Variants in ORMDL1 observed in about 807,000 individuals in gnomAD.
ORMDL1 encodes ORM1-like protein 1.
A neutral mutation model predicts 13.0 loss-of-function variants in ORMDL1; 10 were observed. The ratio of observed to expected loss-of-function variants is 0.77; its 90% CI spans 0.47 to 1.30. ORMDL1 has a LOEUF of 1.30. ORMDL1 is among the 50% of genes most tolerant of loss of function. The pLI, the probability that ORMDL1 is intolerant of heterozygous loss-of-function variation, is 0.00. For missense variants in ORMDL1, 171 were observed against 186.7 expected (o/e 0.92, Z 0.49); for synonymous variants, 61 against 63.9 (o/e 0.95, Z 0.22).
At chr2:189,771,923 A>G in intron 4 of ORMDL1, 21 bp from the exon 5 acceptor site, 1 of 1,512,800 alleles carries the variant, frequency 6.6e-7, no homozygotes, top group Non-Finnish European at 8.9e-7. Flanking sequence ...AAAAGTTAAG[A>G]ATATATATAA....
At chr2:189,781,616 A>G (rs1305660653) in intron 3 of ORMDL1, among the ~76,000 whole-genome samples, 1 of 152,172 alleles carries the variant, frequency 6.6e-6, no homozygotes, top group Non-Finnish European at 1.5e-5. Context: ...ATTTAGATAG[A>G]TAAGTTAACA....
chr2:189,768,232 C>T (rs925068020), downstream of ORMDL1, among the ~76,000 whole-genome samples: 1 of 152,198 alleles, frequency 6.6e-6, no homozygotes, highest in African/African-American at 2.4e-5. Context: ...GGGTATTTTA[C>T]CTAGATAGGT....
At chr2:189,769,071 GTAAT>G (rs1191446671), downstream of ORMDL1, among the ~76,000 whole-genome samples, 1 of 152,134 alleles carries the variant, frequency 6.6e-6, no homozygotes, top group East Asian at 1.9e-4. Flanking sequence ...TGGAAGGGTG[GTAAT>G]TAATAAAGAT....
intron 3 of ORMDL1, among the ~76,000 whole-genome samples, chr2:189,780,087 T>C (rs2047790245): frequency 2.0e-5 from 3 of 152,242 alleles, no homozygotes; most frequent in Admixed American, 1.3e-4. Flanking sequence ...ATGAGATATC[T>C]TGGGGACAGG....
At chr2:189,775,533 C>A in intron 4 of ORMDL1, 32 bp downstream of exon 4, 1 of 1,543,498 alleles carries the variant, frequency 6.5e-7, no homozygotes. Flanking sequence ...CTTATCCAAT[C>A]CTCCTCATAC....
At chr2:189,767,851 T>C (rs1445934981), downstream of ORMDL1, among the ~76,000 whole-genome samples, 6 of 152,352 alleles carry the variant, frequency 3.9e-5, no homozygotes, top group Admixed American at 2.0e-4. Context: ...TTTCTAATTA[T>C]GAAATATTTC....
At chr2:189,776,430 T>A (rs759086731) in intron 3 of ORMDL1, among the ~76,000 whole-genome samples, 6 of 152,136 alleles carry the variant, frequency 3.9e-5, no homozygotes, top group Non-Finnish European at 7.4e-5. Flanking sequence ...AAAACCAATC[T>A]ATAGATTTGG....
Position 189,771,871 on chromosome 2 carries a change from C to CAT in ORMDL1, c.356_357dup (p.Asp120MetfsTer8). 6.2e-7 allele frequency: 1 copy of CAT among 1,603,522 alleles called. No homozygotes were observed. The highest frequency in any genetic ancestry group is 8.5e-7 in the Non-Finnish European group (1 of 1,173,596). On this transcript the variant is annotated frameshift_variant, in exon 5 of 5. Coordinates refer to ENST00000392349, the MANE Select transcript of ORMDL1 (RefSeq NM_016467.5). LOFTEE classifies it high-confidence loss of function. Reference sequence around the variant, plus strand: ...GTGTTTAGGATGAAGTGAGTTGGATCATACTTCGTATAGAAACTTGCCAGA... The same window carrying CAT: ...GTGTTTAGGATGAAGTGAGTTGGATCATATACTTCGTATAGAAACTTGCCAGA...
intron 4 of ORMDL1, 185 bp downstream of exon 4, chr2:189,775,380 C>G: frequency 1.7e-6 from 1 of 603,254 alleles, no homozygotes; most frequent in Non-Finnish European, 2.8e-6. Flanking sequence ...TATGTACTGA[C>G]TGAAGTGAAA....
At chr2:189,777,483 C>T (rs191724481) in intron 3 of ORMDL1, among the ~76,000 whole-genome samples, 2 of 152,290 alleles carry the variant, frequency 1.3e-5, no homozygotes, top group Non-Finnish European at 2.9e-5. Flanking sequence ...TTCCTTCAAA[C>T]CATATGTACT....
chr2:189,776,453 T>A (rs1422039184), intron 3 of ORMDL1, among the ~76,000 whole-genome samples: 1 of 152,144 alleles, frequency 6.6e-6, no homozygotes, highest in Non-Finnish European at 1.5e-5. Context: ...TCCTTGAGAT[T>A]ATGATACCCA....
At chr2:189,766,951 CTGAG>C (rs937827322), downstream of ORMDL1, among the ~76,000 whole-genome samples, 17 of 152,308 alleles carry the variant, frequency 1.1e-4, no homozygotes, top group Admixed American at 1.1e-3. Context: ...CTTTTTAAGG[CTGAG>C]TAATATTCCA....
rs944520023 is a variant in ORMDL1, at chr2:189,770,778, A to G, written c.*989T>C. On this transcript the variant is annotated 3_prime_UTR_variant, in exon 5 of 5. Transcript: ENST00000392349. Reference sequence around the variant, plus strand: ...AAATATGGGGGTTGAGAGCAGGAGGACTAAGAAAAGAAAATGTTATCTTTT... The same window carrying G: ...AAATATGGGGGTTGAGAGCAGGAGGGCTAAGAAAAGAAAATGTTATCTTTT... The G allele has an allele frequency of 7.9e-5, 12 of 152,252 alleles. No homozygotes were observed. The highest frequency in any genetic ancestry group is 2.6e-4 in the African/African-American group (11 of 41,560). The allele number at this position is 152,252 out of a possible 1,614,324, so 9.4% of individuals were successfully genotyped here.
At chr2:189,774,080 A>T (rs2047641274) in intron 4 of ORMDL1, 3 of 152,352 alleles carry the variant, frequency 2.0e-5, no homozygotes, top group Middle Eastern at 6.8e-3. Flanking sequence ...ACAGAGCTTC[A>T]AAGGGGTTGA....
rs981128914 is a variant in ORMDL1, at chr2:189,776,979, G to T, written c.175-1263C>A. On this transcript the variant is annotated intron_variant, in intron 3 of 4. Coordinates refer to ENST00000392349, the MANE Select transcript of ORMDL1 (RefSeq NM_016467.5). Reference sequence around the variant, plus strand: ...CAATCAGAATACTCAGCAAATGGCAGGGGAGGGAAAGGTTCCTTGTTGCTG... The same window carrying T: ...CAATCAGAATACTCAGCAAATGGCATGGGAGGGAAAGGTTCCTTGTTGCTG... 7.6e-4 allele frequency among the ~76,000 whole-genome samples: 115 copies of T among 152,172 alleles called. 1 individual carries two copies. Among genetic ancestry groups the T allele is most frequent in the Non-Finnish European group, 2.4e-4 (16 of 68,022 alleles).
Position 189,771,682 on chromosome 2 carries a change from TCA to T in ORMDL1, c.*83_*84del. On this transcript the variant is annotated 3_prime_UTR_variant, in exon 5 of 5. Transcript: ENST00000392349. ...TGTAAATACTTCTCATTTCACATTA[TCA>T]CAGAAACAGTGCAGTTTACTAACCA... The T allele has an allele frequency of 8.4e-7, 1 of 1,196,688 alleles. No homozygotes were observed. The highest frequency in any genetic ancestry group is 1.1e-6 in the Non-Finnish European group (1 of 870,262). The allele number at this position is 1,196,688 out of a possible 1,614,324, so 74.1% of individuals were successfully genotyped here.
chr2:189,771,728 T>C lies in ORMDL1; in HGVS notation c.*39A>G. ...CTAACCACTCCTTCCTTATAAGAAA[T>C]TCAGTAGCTGTAAAATTTTTTTTCA... is the stretch of plus-strand genomic sequence containing the variant. On this transcript the variant is annotated 3_prime_UTR_variant, in exon 5 of 5. Transcript: ENST00000392349. The C allele has an allele frequency of 6.5e-7, 1 of 1,529,160 alleles. No individual in the cohort carries two copies. The highest frequency in any genetic ancestry group is 8.9e-7 in the Non-Finnish European group (1 of 1,128,976). 94.7% of individuals were successfully genotyped at this position (1,529,160 alleles called of 1,614,324 possible). A position where few individuals can be genotyped will look rare whatever the true frequency, so the allele number is the denominator to read the frequency against.
intron 1 of ORMDL1, 44 bp from the exon 2 acceptor site, chr2:189,783,167 ATGTT>A (rs2047923267): frequency 6.6e-6 from 1 of 152,374 alleles, no homozygotes; most frequent in African/African-American, 2.4e-5. Flanking sequence ...TCAAGGGATA[ATGTT>A]TGTTTCTCAA....
intron 4 of ORMDL1, 167 bp downstream of exon 4, chr2:189,775,394 AGTTT>A (rs1255976627): frequency 1.6e-6 from 1 of 640,308 alleles, no homozygotes; most frequent in African/African-American, 1.9e-5. Flanking sequence ...AGTGAAAATT[AGTTT>A]ATTATCAACT....
Sources: allele counts gnomAD v4.1 joint callset (sites outside exome capture counted in the v4.1 genomes callset), GRCh38; gene constraint gnomAD v4.1.1; transcripts MANE v1.5; gene names NCBI Gene and HGNC (gene_info 2026-07-23, HGNC 2026-07-21).